The following RANBP2 variants were observed in gnomAD, a reference collection of about 807,000 sequenced individuals.
RANBP2 encodes the protein RAN binding protein 2, also known as E3 SUMO-protein ligase RanBP2.
Under a neutral mutation model 303.6 loss-of-function variants are expected in RANBP2, and 57 were observed. The ratio of observed to expected loss-of-function variants is 0.19; its 90% CI spans 0.15 to 0.23. The LOEUF (loss-of-function observed/expected upper bound fraction) is 0.23, where lower values mean the gene tolerates loss of function less well. Ranked by LOEUF, RANBP2 falls within the 10% of genes least tolerant of loss-of-function variation. The pLI, the probability that RANBP2 is intolerant of heterozygous loss-of-function variation, is 1.00. For synonymous variants in RANBP2, 1,167 were observed against 1,301.5 expected, an observed-to-expected ratio of 0.90 and a Z score of 2.23; for missense variants, 3,138 against 3,780.8, an observed-to-expected ratio of 0.83 and a Z score of 4.46.
At chr2:109,681,767 G>A in the RANBP2 span, among the ~76,000 whole-genome samples, 7 of 152,206 alleles carry the variant, frequency 4.6e-5, no homozygotes, top group Admixed American at 4.6e-4. Context: ...CCCACAGCCT[G>A]ATCTGTGTGT....
the RANBP2 span, among the ~76,000 whole-genome samples, chr2:108,861,784 A>T: frequency 6.6e-6 from 1 of 151,722 alleles, no homozygotes; most frequent in African/African-American, 2.4e-5. Flanking sequence ...CCCGGCCTAA[A>T]CCTCGGCCTC....
the RANBP2 span, among the ~76,000 whole-genome samples, chr2:109,198,062 A>G: frequency 3.9e-5 from 6 of 152,136 alleles, no homozygotes; most frequent in Non-Finnish European, 8.8e-5. Flanking sequence ...GTCCCCATGC[A>G]GTGTGTCAGT....
At chr2:109,158,513 C>T in the RANBP2 span, among the ~76,000 whole-genome samples, 2 of 152,154 alleles carry the variant, frequency 1.3e-5, no homozygotes, top group African/African-American at 2.4e-5. Flanking sequence ...GATGCCTTGG[C>T]TGGGGGAGCT....
the RANBP2 span, among the ~76,000 whole-genome samples, chr2:109,365,032 C>CA: frequency 6.7e-6 from 1 of 149,710 alleles, no homozygotes; most frequent in Non-Finnish European, 1.5e-5. Flanking sequence ...AAAAGAAACA[C>CA]AGACACACAC....
At chr2:109,090,984 G>T in the RANBP2 span, among the ~76,000 whole-genome samples, 2 of 152,046 alleles carry the variant, frequency 1.3e-5, no homozygotes, top group African/African-American at 4.8e-5. Flanking sequence ...TTTATTTAAA[G>T]CTTTGATATT....
At chr2:109,145,322 C>T in the RANBP2 span, among the ~76,000 whole-genome samples, 5 of 152,268 alleles carry the variant, frequency 3.3e-5, no homozygotes, top group African/African-American at 9.6e-5. Context: ...CCCTTTAGTC[C>T]GGACTTCATG....
chr2:109,700,669 G>T, the RANBP2 span, among the ~76,000 whole-genome samples: 1 of 151,952 alleles, frequency 6.6e-6, no homozygotes, highest in East Asian at 1.9e-4. Flanking sequence ...GTGATTTTGG[G>T]GGTCCAAGAT....
the RANBP2 span, among the ~76,000 whole-genome samples, chr2:109,709,544 C>T: frequency 1.3e-5 from 2 of 152,076 alleles, no homozygotes; most frequent in Non-Finnish European, 2.9e-5. Context: ...GACCACTGAG[C>T]CTGGCTGCAC....
At chr2:108,789,657 T>A (rs1357029507), downstream of RANBP2, among the ~76,000 whole-genome samples, 1 of 152,212 alleles carries the variant, frequency 6.6e-6, no homozygotes, top group Non-Finnish European at 1.5e-5. Context: ...AGCATTTTAC[T>A]ATCTCTGGTG....
chr2:108,977,278 CT>C, the RANBP2 span, among the ~76,000 whole-genome samples: 5 of 151,868 alleles, frequency 3.3e-5, no homozygotes, highest in African/African-American at 1.2e-4. Context: ...CTCGCCTTTT[CT>C]TTTTTTTGAG....
chr2:108,765,046 C>A lies in RANBP2; in HGVS notation c.4507C>A (p.Gln1503Lys). 1 of 1,613,850 alleles carries A rather than the reference C, an allele frequency of 6.2e-7. No individual in the cohort carries two copies. Residue 1503 changes from glutamine (Q) to lysine (K), a missense_variant, in exon 20 of 29, where the codon CAG becomes AAG. Transcript: ENST00000283195. Reference sequence around the variant, plus strand: ...GAGCTCTACAAAATGTGCTGCTTGTCAGAATCCGAGAAAACAGAGTCTACC... The same window carrying A: ...GAGCTCTACAAAATGTGCTGCTTGTAAGAATCCGAGAAAACAGAGTCTACC... ...EGSSTKCAAC[Q>K]NPRKQSLPAT...
chr2:109,677,026 C>CA, the RANBP2 span, among the ~76,000 whole-genome samples: 1 of 152,146 alleles, frequency 6.6e-6, no homozygotes, highest in Non-Finnish European at 1.5e-5. Flanking sequence ...CACTAAATAA[C>CA]AACTTCTCCA....
the RANBP2 span, among the ~76,000 whole-genome samples, chr2:109,535,706 CAA>C: frequency 1.3e-5 from 2 of 152,076 alleles, no homozygotes; most frequent in Admixed American, 6.5e-5. Flanking sequence ...TGCATGAGCC[CAA>C]GAGAGAGTGG....
the RANBP2 span, among the ~76,000 whole-genome samples, chr2:109,590,112 A>G: frequency 7.1e-6 from 1 of 140,902 alleles, no homozygotes; most frequent in South Asian, 2.2e-4. Context: ...ATATGTATGT[A>G]TATATATACA....
chr2:109,409,970 C>T, the RANBP2 span, among the ~76,000 whole-genome samples: 1 of 152,164 alleles, frequency 6.6e-6, no homozygotes. Context: ...TTGGGGTCTT[C>T]ATCTGTTCCA....
At chr2:109,357,852 C>A in the RANBP2 span, among the ~76,000 whole-genome samples, 1 of 152,200 alleles carries the variant, frequency 6.6e-6, no homozygotes, top group Admixed American at 6.5e-5. Flanking sequence ...CATGCAAAGC[C>A]TCCTGCATTG....
At chr2:109,367,862 T>G in the RANBP2 span, among the ~76,000 whole-genome samples, 1 of 152,198 alleles carries the variant, frequency 6.6e-6, no homozygotes, top group Non-Finnish European at 1.5e-5. Context: ...TCCAAGGCTT[T>G]GATATTTGAT....
the RANBP2 span, among the ~76,000 whole-genome samples, chr2:109,262,067 C>G: frequency 1.3e-5 from 2 of 152,224 alleles, no homozygotes; most frequent in Non-Finnish European, 2.9e-5. Context: ...CCAGCCCCAA[C>G]GGTGCCAGCA....
At chr2:109,352,838 C>T in the RANBP2 span, among the ~76,000 whole-genome samples, 9 of 152,388 alleles carry the variant, frequency 5.9e-5, no homozygotes, top group East Asian at 1.2e-3. Context: ...AGACCACCCT[C>T]GCCCAGCCCC....
Sources: allele counts gnomAD v4.1 joint callset (sites outside exome capture counted in the v4.1 genomes callset), GRCh38; gene constraint gnomAD v4.1.1; transcripts MANE v1.5; gene names NCBI Gene and HGNC (gene_info 2026-07-23, HGNC 2026-07-21).